Variants in UNC5C observed in about 807,000 individuals in gnomAD.
UNC5C encodes unc-5 netrin receptor C.
In UNC5C, 47 loss-of-function variants were observed where a neutral mutation model predicts 99.8. The ratio of observed to expected loss-of-function variants is 0.47; its 90% CI spans 0.37 to 0.60. The LOEUF is 0.60. UNC5C is among the 20% of genes least tolerant of loss of function. UNC5C has a pLI of 0.00. For missense variants in UNC5C, 1,062 were observed against 1,165.9 expected (o/e 0.91, Z 1.30); for synonymous variants, 487 against 452.2 (o/e 1.08, Z -0.98).
chr4:95,414,175 C>T (rs1304437669), intron 1 of UNC5C, among the ~76,000 whole-genome samples: 3 of 152,098 alleles, frequency 2.0e-5, no homozygotes, highest in Admixed American at 1.3e-4. Context: ...CCTTAAATTT[C>T]CTGTTGCAGT....
At chr4:95,306,502 C>T (rs1270741522) in intron 2 of UNC5C, among the ~76,000 whole-genome samples, 1 of 151,956 alleles carries the variant, frequency 6.6e-6, no homozygotes, top group Admixed American at 6.6e-5. Context: ...ACGCCTGCCT[C>T]TTCATGTATT....
At chr4:95,236,596 TAAATA>T (rs1739124295) in intron 7 of UNC5C, among the ~76,000 whole-genome samples, 1 of 125,320 alleles carries the variant, frequency 8.0e-6, no homozygotes, top group Non-Finnish European at 1.7e-5. Flanking sequence ...AAAAAATAAA[TAAATA>T]AAAGAAAAAA....
Position 95,165,876 on chromosome 4 carries a change from C to T in UNC5C, c.*3358G>A, listed in dbSNP as rs960151151. 1 of 152,044 alleles carries T rather than the reference C, an allele frequency of 6.6e-6. No individual in the cohort carries two copies. The highest frequency in any genetic ancestry group is 2.4e-5 in the African/African-American group (1 of 41,404). 9.4% of individuals were successfully genotyped at this position (152,044 alleles called of 1,614,324 possible). ...ATATAGATTTTACATAGTTCTGTTA[C>T]AAGAAGCAACTGAAGATATGTTGTG... On this transcript the variant is annotated 3_prime_UTR_variant, in exon 16 of 16. Transcript: ENST00000453304.
chr4:95,268,606 T>C (rs1740541539), intron 4 of UNC5C, among the ~76,000 whole-genome samples: 1 of 152,222 alleles, frequency 6.6e-6, no homozygotes, highest in South Asian at 2.1e-4. Flanking sequence ...TGCAGTTTTC[T>C]TATTATACTC....
At chr4:95,497,766 C>T (rs13139186) in intron 1 of UNC5C, among the ~76,000 whole-genome samples, 139,069 of 151,992 alleles carry the variant, frequency 0.91, 63,690 homozygotes, top group Non-Finnish European at 0.92. Context: ...AGTTAAGAAA[C>T]TGTAGCAAAG....
At chr4:95,280,679 A>AC (rs1301489839) in intron 3 of UNC5C, among the ~76,000 whole-genome samples, 1 of 114,114 alleles carries the variant, frequency 8.8e-6, no homozygotes, top group African/African-American at 2.8e-5. Flanking sequence ...AAAGAGTGAG[A>AC]CCCCATCTCA....
At chr4:95,238,986 A>T (rs975046855) in intron 7 of UNC5C, among the ~76,000 whole-genome samples, 3 of 152,056 alleles carry the variant, frequency 2.0e-5, no homozygotes, top group African/African-American at 4.8e-5. Context: ...TTTTACATCT[A>T]CTTTACTCTA....
rs187624173 is a variant in UNC5C at position 95,384,235 on chromosome 4, G to T, written c.125-48604C>A. ...TTATTGAATAACTATTACGTGCTAG[G>T]TTCTGTACCTGGTCTTGGAAACAGA... On this transcript the variant is annotated intron_variant, in intron 1 of 15. Coordinates refer to ENST00000453304, the MANE Select transcript of UNC5C (RefSeq NM_003728.4). Among the ~76,000 whole-genome samples, 1,094 of 152,236 alleles carry T rather than the reference G, an allele frequency of 7.2e-3. 6 individuals are homozygous for T. The highest frequency in any genetic ancestry group is 0.012 in the Non-Finnish European group (832 of 68,014).
intron 3 of UNC5C, among the ~76,000 whole-genome samples, chr4:95,296,372 A>T (rs940064691): frequency 7.2e-5 from 11 of 152,200 alleles, no homozygotes; most frequent in Admixed American, 3.3e-4. Flanking sequence ...ACCTAGAAGA[A>T]GAGTTTGTTT....
chr4:95,268,112 G>A (rs771576430), intron 4 of UNC5C, among the ~76,000 whole-genome samples: 2 of 151,914 alleles, frequency 1.3e-5, no homozygotes, highest in Non-Finnish European at 2.9e-5. Context: ...ACCGCGCCCG[G>A]TTAATTTTTT....
intron 1 of UNC5C, among the ~76,000 whole-genome samples, chr4:95,419,614 A>T (rs1221091934): frequency 6.6e-6 from 1 of 152,194 alleles, no homozygotes; most frequent in Non-Finnish European, 1.5e-5. Flanking sequence ...CAATTAAAGT[A>T]AACATATATT....
chr4:95,476,422 T>G (rs1021492470), intron 1 of UNC5C, among the ~76,000 whole-genome samples: 3 of 152,056 alleles, frequency 2.0e-5, no homozygotes, highest in African/African-American at 7.2e-5. Flanking sequence ...GACTGAGCTA[T>G]TTTTTTCTCC....
At chr4:95,268,612 T>C (rs1401255576) in intron 4 of UNC5C, among the ~76,000 whole-genome samples, 1 of 152,232 alleles carries the variant, frequency 6.6e-6, no homozygotes, top group African/African-American at 2.4e-5. Context: ...TTTCTTATTA[T>C]ACTCTCCTGT....
chr4:95,234,285 G>A (rs1318706869), intron 7 of UNC5C, among the ~76,000 whole-genome samples: 2 of 151,898 alleles, frequency 1.3e-5, no homozygotes, highest in Non-Finnish European at 2.9e-5. Context: ...GTATTATTAA[G>A]TAAAAACTGA....
Position 95,202,738 on chromosome 4 carries a change from G to A in UNC5C, c.2129C>T (p.Ala710Val), listed in dbSNP as rs779715793. The A allele has an allele frequency of 1.2e-5, 20 of 1,613,822 alleles. No individual in the cohort carries two copies. Among genetic ancestry groups the A allele is most frequent in the East Asian group, 4.5e-5 (2 of 44,890 alleles). Reference protein sequence around the residue: ...RVYCLDDTQDALKEILHLERQ... With the variant: ...RVYCLDDTQDVLKEILHLERQ... ...TAGGTGGGAGGCACTTACCTTCAGGGCATCCTGGGTGTCATCCAGACAGTA... is the reference window on the plus strand; with the variant it reads ...TAGGTGGGAGGCACTTACCTTCAGGACATCCTGGGTGTCATCCAGACAGTA... Residue 710 changes from alanine to valine, a missense_variant, in exon 12 of 16, where the codon GCC becomes GTC. By Grantham distance (64) the Ala-to-Val change is moderately conservative. Transcript: ENST00000453304.
chr4:95,265,669 A>G (rs1188788113), intron 4 of UNC5C, among the ~76,000 whole-genome samples: 1 of 152,216 alleles, frequency 6.6e-6, no homozygotes, highest in African/African-American at 2.4e-5. Context: ...TCACACAGAC[A>G]ATTTGTGTCA....
chr4:95,541,654 C>CT (rs1291301860), intron 1 of UNC5C, among the ~76,000 whole-genome samples: 1 of 151,740 alleles, frequency 6.6e-6, no homozygotes. Context: ...ATTATATACT[C>CT]TAAGTTTTTT....
chr4:95,309,756 T>C (rs1742209285), intron 2 of UNC5C, among the ~76,000 whole-genome samples: 1 of 152,094 alleles, frequency 6.6e-6, no homozygotes, highest in Admixed American at 6.6e-5. Context: ...GAATGGCTAC[T>C]ATCAAAAAGA....
At chr4:95,225,052 CAGGTCACGTCCTGGTGGGCCAGGATGAGG>C (rs968992416) in intron 7 of UNC5C, among the ~76,000 whole-genome samples, 1 of 152,046 alleles carries the variant, frequency 6.6e-6, no homozygotes, top group Non-Finnish European at 1.5e-5. Context: ...CAGGCAGCAC[CAGGTCACGTCCTGGTGGGCCAGGATGAGG>C]AGTCTTGCTC....
Sources: gnomAD v4.1 joint callset for allele counts (sites outside exome capture counted in the v4.1 genomes callset) on GRCh38, gnomAD v4.1.1 for gene constraint, MANE v1.5 for transcripts, NCBI Gene and HGNC (gene_info 2026-07-23, HGNC 2026-07-21) for gene names.